DLG2: variants seen among roughly 807,000 people sequenced by gnomAD.
DLG2 encodes disks large homolog 2.
In DLG2, 45 loss-of-function variants were observed where a neutral mutation model predicts 132.5. That is an observed-to-expected ratio of 0.34 (90% CI 0.27 to 0.44). The LOEUF is 0.44. Among genes scored for constraint, DLG2 ranks in the 20% least tolerant of loss-of-function variants. The pLI is 1.00. For synonymous variants in DLG2, 424 were observed against 419.6 expected (o/e 1.01, Z -0.13); for missense variants, 1,045 against 1,196.9 (o/e 0.87, Z 1.87).
At chr11:83,497,534 C>CAAA (rs201552213) in intron 21 of DLG2, among the ~76,000 whole-genome samples, 2,625 of 84,188 alleles carry the variant, frequency 0.031, 42 homozygotes, top group Middle Eastern at 0.12. Flanking sequence ...GACTTCGTCT[C>CAAA]AAAAACAAAA....
At chr11:85,157,616 A>G (rs1354844611) in intron 4 of DLG2, among the ~76,000 whole-genome samples, 1 of 152,192 alleles carries the variant, frequency 6.6e-6, no homozygotes, top group Non-Finnish European at 1.5e-5. Context: ...AAATGATGAA[A>G]TCAGGGATTC....
At chr11:84,727,679 T>C (rs2153807389) in intron 6 of DLG2, among the ~76,000 whole-genome samples, 1 of 152,298 alleles carries the variant, frequency 6.6e-6, no homozygotes, top group Admixed American at 6.5e-5. Context: ...ATCTATAAAT[T>C]ACTTTGGGCA....
intron 8 of DLG2, among the ~76,000 whole-genome samples, chr11:84,234,424 A>T (rs940454229): frequency 7.9e-5 from 12 of 152,174 alleles, no homozygotes; most frequent in Non-Finnish European, 1.0e-4. Context: ...CCCCGTATGG[A>T]TTCACCACTG....
chr11:84,946,568 C>T (rs796589260), intron 6 of DLG2, among the ~76,000 whole-genome samples: 1 of 151,910 alleles, frequency 6.6e-6, no homozygotes, highest in Non-Finnish European at 1.5e-5. Flanking sequence ...TTATATAGTT[C>T]TGGAGCTGGT....
At chr11:84,263,872 C>T (rs952070524) in intron 7 of DLG2, among the ~76,000 whole-genome samples, 1 of 152,080 alleles carries the variant, frequency 6.6e-6, no homozygotes, top group Non-Finnish European at 1.5e-5. Flanking sequence ...CTGTAATGTG[C>T]TTATGTTTAT....
intron 2 of DLG2, among the ~76,000 whole-genome samples, chr11:85,600,489 T>A (rs1003255661): frequency 6.6e-6 from 1 of 152,200 alleles, no homozygotes; most frequent in Non-Finnish European, 1.5e-5. Flanking sequence ...TTGTTATAAT[T>A]TTACTGACAC....
intron 19 of DLG2, among the ~76,000 whole-genome samples, chr11:83,615,195 T>G (rs2060625904): frequency 6.6e-6 from 1 of 152,160 alleles, no homozygotes; most frequent in African/African-American, 2.4e-5. Flanking sequence ...AAGTCCTGAC[T>G]GCAGCATTAT....
intron 6 of DLG2, among the ~76,000 whole-genome samples, chr11:84,633,554 G>A (rs2099635714): frequency 6.6e-6 from 1 of 151,562 alleles, no homozygotes; most frequent in Non-Finnish European, 1.5e-5. Context: ...TCTGTCCTCT[G>A]GTCTCCCACA....
intron 6 of DLG2, among the ~76,000 whole-genome samples, chr11:84,568,601 C>A (rs905674429): frequency 6.6e-6 from 1 of 152,196 alleles, no homozygotes. Context: ...AACTTCTGTA[C>A]TAGCCATCTA....
intron 6 of DLG2, among the ~76,000 whole-genome samples, chr11:84,630,591 T>C (rs1440751015): frequency 6.6e-6 from 1 of 152,216 alleles, no homozygotes; most frequent in Non-Finnish European, 1.5e-5. Context: ...GAGCCACTGA[T>C]AGTATGTTAG....
In DLG2 at chr11:84,739,262, T is replaced by C. The variant is rs1386258444; in HGVS notation, c.358-204531A>G. 2.6e-5 allele frequency among the ~76,000 whole-genome samples: 4 copies of C among 152,196 alleles called. No homozygotes were observed. The East Asian group carries it at 7.7e-4, about 29-fold the overall frequency. ...TGGTTTAAAACTCAAGACCAAAGAATTACATTAACTTTCTAGGTAAATTAC... is the reference window on the plus strand; with the variant it reads ...TGGTTTAAAACTCAAGACCAAAGAACTACATTAACTTTCTAGGTAAATTAC... On this transcript the variant is annotated intron_variant, in intron 6 of 27. Coordinates refer to ENST00000376104, the MANE Select transcript of DLG2 (RefSeq NM_001142699.3).
intron 6 of DLG2, among the ~76,000 whole-genome samples, chr11:84,968,246 T>C (rs1370646663): frequency 6.6e-6 from 1 of 152,194 alleles, no homozygotes; most frequent in Non-Finnish European, 1.5e-5. Context: ...ATATAATAGA[T>C]TTAGCACAAT....
At chr11:85,605,407 G>A (rs11234374) in intron 2 of DLG2, among the ~76,000 whole-genome samples, 1 of 152,276 alleles carries the variant, frequency 6.6e-6, no homozygotes, top group East Asian at 1.9e-4. Context: ...AGAATCTAGG[G>A]TTAAATGTTG....
intron 3 of DLG2, among the ~76,000 whole-genome samples, chr11:85,396,521 A>G (rs1188606568): frequency 1.3e-5 from 2 of 152,124 alleles, no homozygotes; most frequent in Admixed American, 6.6e-5. Context: ...AGGAAGCTAA[A>G]AACCTTGAAA....
At chr11:84,886,990 C>A (rs913687697) in intron 6 of DLG2, among the ~76,000 whole-genome samples, 3 of 152,100 alleles carry the variant, frequency 2.0e-5, no homozygotes, top group African/African-American at 7.2e-5. Flanking sequence ...CAAACAATCA[C>A]AAGAATGCTA....
At chr11:84,085,305 G>A (rs909390901) in intron 10 of DLG2, among the ~76,000 whole-genome samples, 1 of 152,110 alleles carries the variant, frequency 6.6e-6, no homozygotes, top group Non-Finnish European at 1.5e-5. Flanking sequence ...AGAGCTATTT[G>A]CTAAAATCAA....
intron 4 of DLG2, among the ~76,000 whole-genome samples, chr11:85,247,006 A>G (rs533644109): frequency 2.0e-5 from 3 of 152,198 alleles, no homozygotes; most frequent in East Asian, 3.9e-4. Context: ...TTCATCTTTA[A>G]CATGTGTCAG....
intron 18 of DLG2, among the ~76,000 whole-genome samples, chr11:83,639,294 G>C (rs1278305692): frequency 2.0e-5 from 3 of 152,138 alleles, no homozygotes; most frequent in Non-Finnish European, 4.4e-5. Flanking sequence ...CATAAACGGA[G>C]GGAACAGGGT....
chr11:84,169,364 T>C (rs1276499170), intron 8 of DLG2, among the ~76,000 whole-genome samples: 3 of 152,210 alleles, frequency 2.0e-5, no homozygotes, highest in African/African-American at 7.2e-5. Context: ...GATACAAATC[T>C]ATAAGGGTCA....
Sources: allele counts gnomAD v4.1 joint callset (sites outside exome capture counted in the v4.1 genomes callset), GRCh38; gene constraint gnomAD v4.1.1; transcripts MANE v1.5; gene names NCBI Gene and HGNC (gene_info 2026-07-23, HGNC 2026-07-21).